Variants in OPCML observed in about 807,000 individuals in gnomAD.
OPCML encodes the protein opioid binding protein/cell adhesion molecule like.
A neutral mutation model predicts 37.8 loss-of-function variants in OPCML; 13 were observed. That is an observed-to-expected ratio of 0.34 (90% confidence interval 0.22 to 0.55). The LOEUF is 0.55. Ranked by LOEUF, OPCML falls within the 20% of genes least tolerant of loss-of-function variation. OPCML has a pLI of 0.91. For synonymous variants in OPCML, 176 were observed against 168.8 expected, an observed-to-expected ratio of 1.04 and a Z score of -0.33; for missense variants, 341 against 435.6, an observed-to-expected ratio of 0.78 and a Z score of 1.93.
At chr11:132,461,884 C>T (rs569551653) in intron 4 of OPCML, among the ~76,000 whole-genome samples, 9 of 152,216 alleles carry the variant, frequency 5.9e-5, no homozygotes, top group Admixed American at 4.6e-4. Context: ...CTCACTATCA[C>T]GAGAACAGCA....
chr11:132,503,383 T>C (rs2096249774), intron 4 of OPCML, among the ~76,000 whole-genome samples: 1 of 152,186 alleles, frequency 6.6e-6, no homozygotes, highest in African/African-American at 2.4e-5. Flanking sequence ...CTTCTACTGA[T>C]AGAAGGTATT....
At chr11:132,719,216 C>G (rs1944594747) in intron 2 of OPCML, among the ~76,000 whole-genome samples, 1 of 152,198 alleles carries the variant, frequency 6.6e-6, no homozygotes, top group Admixed American at 6.5e-5. Context: ...AGGTGGCCTT[C>G]CGCGTTTTCG....
intron 1 of OPCML, among the ~76,000 whole-genome samples, chr11:133,458,583 ACACATATATACACGTGTGTGTGTG>A (rs1565645578): frequency 3.7e-5 from 4 of 106,886 alleles, no homozygotes; most frequent in African/African-American, 1.7e-4. Flanking sequence ...ACGTGTGTGT[ACACATATATACACGTGTGTGTGTG>A]TATACACATA....
chr11:132,430,684 G>A (rs2095993747), intron 7 of OPCML, among the ~76,000 whole-genome samples: 1 of 152,120 alleles, frequency 6.6e-6, no homozygotes, highest in Admixed American at 6.5e-5. Context: ...AACTCTTAAT[G>A]TAACTGATTT....
chr11:133,354,615 G>C (rs532734811), intron 1 of OPCML, among the ~76,000 whole-genome samples: 6 of 152,136 alleles, frequency 3.9e-5, no homozygotes, highest in Non-Finnish European at 8.8e-5. Flanking sequence ...TTCGCATTTA[G>C]TAACTGGAAG....
chr11:132,803,821 G>C (rs1195106125), intron 2 of OPCML, among the ~76,000 whole-genome samples: 1 of 152,190 alleles, frequency 6.6e-6, no homozygotes, highest in Admixed American at 6.5e-5. Flanking sequence ...AATAGGGATA[G>C]TACCTAAATT....
chr11:133,109,588 G>A (rs2137089413), intron 1 of OPCML, among the ~76,000 whole-genome samples: 1 of 152,256 alleles, frequency 6.6e-6, no homozygotes, highest in East Asian at 1.9e-4. Flanking sequence ...ACTGATAGGT[G>A]CATTTTACAA....
At chr11:132,470,318 C>T (rs1476770784) in intron 4 of OPCML, among the ~76,000 whole-genome samples, 1 of 151,992 alleles carries the variant, frequency 6.6e-6, no homozygotes, top group East Asian at 1.9e-4. Flanking sequence ...GGGCTTCCTA[C>T]TAGATCAGCT....
chr11:132,859,379 T>A (rs1046646325), intron 2 of OPCML: 3 of 152,250 alleles, frequency 2.0e-5, no homozygotes, highest in Non-Finnish European at 4.4e-5. Context: ...AAAAAACATT[T>A]AACTTATTTC....
chr11:132,691,782 G>T, intron 2 of OPCML, among the ~76,000 whole-genome samples: 1 of 152,170 alleles, frequency 6.6e-6, no homozygotes, highest in East Asian at 1.9e-4. Flanking sequence ...CATCTACTCA[G>T]CATGAGAAGG....
chr11:133,201,072 T>C (rs542018958), intron 1 of OPCML, among the ~76,000 whole-genome samples: 43 of 152,218 alleles, frequency 2.8e-4, no homozygotes, highest in African/African-American at 1.0e-3. Flanking sequence ...AAGTAGGAGA[T>C]AAACATTGAG....
chr11:132,631,448 A>G (rs1462650829), intron 3 of OPCML, among the ~76,000 whole-genome samples: 2 of 149,026 alleles, frequency 1.3e-5, no homozygotes, highest in Non-Finnish European at 1.5e-5. Context: ...ATATACATAC[A>G]TATGTATATA....
chr11:132,824,325 A>G (rs1940169881), intron 2 of OPCML, among the ~76,000 whole-genome samples: 1 of 152,090 alleles, frequency 6.6e-6, no homozygotes, highest in South Asian at 2.1e-4. Flanking sequence ...CATCCAATTC[A>G]TTAGTTTTCT....
chr11:133,178,041 A>G (rs1489464279), intron 1 of OPCML, among the ~76,000 whole-genome samples: 1 of 152,172 alleles, frequency 6.6e-6, no homozygotes, highest in Non-Finnish European at 1.5e-5. Flanking sequence ...TGATCAGTCA[A>G]GTGGTATTCG....
intron 3 of OPCML, among the ~76,000 whole-genome samples, chr11:132,591,776 G>A (rs1304621856): frequency 2.0e-5 from 3 of 152,296 alleles, no homozygotes; most frequent in Middle Eastern, 6.8e-3. Flanking sequence ...GGAATAAAAG[G>A]AAACATCATC....
intron 2 of OPCML, among the ~76,000 whole-genome samples, chr11:132,770,939 C>T (rs1946616316): frequency 6.6e-6 from 1 of 152,178 alleles, no homozygotes; most frequent in African/African-American, 2.4e-5. Context: ...ATGGTCTGGC[C>T]TTGACCCTTA....
chr11:133,173,256 A>C lies in OPCML; in HGVS notation c.62-230246T>G, dbSNP rs1272531152. On this transcript the variant is annotated intron_variant, in intron 1 of 7. Transcript: ENST00000524381. The surrounding 1 kb of genome is among the most constrained non-coding windows in gnomAD (Gnocchi z 7.8). ...TCCACATAACTGTGAAGCATTTCTC[A>C]GAATGTTATCATTAACATTGTTACA... Among the ~76,000 whole-genome samples, 1 of 152,226 alleles carries C rather than the reference A, an allele frequency of 6.6e-6. No individual in the cohort carries two copies. The highest frequency in any genetic ancestry group is 2.4e-5 in the African/African-American group (1 of 41,460).
At chr11:132,487,116 C>A (rs1400562863) in intron 4 of OPCML, among the ~76,000 whole-genome samples, 1 of 152,170 alleles carries the variant, frequency 6.6e-6, no homozygotes, top group Non-Finnish European at 1.5e-5. Flanking sequence ...CACAGCTGGG[C>A]TCTCTCATCT....
intron 1 of OPCML, among the ~76,000 whole-genome samples, chr11:133,457,924 G>A (rs1946707157): frequency 6.6e-6 from 1 of 151,954 alleles, no homozygotes; most frequent in East Asian, 1.9e-4. Context: ...AGGCAGGTGG[G>A]TCATGAGGTC....
Sources: gnomAD v4.1 joint callset for allele counts (sites outside exome capture counted in the v4.1 genomes callset) on GRCh38, gnomAD v4.1.1 for gene constraint, Gnocchi (gnomAD v3.1) non-coding constraint, MANE v1.5 for transcripts, NCBI Gene and HGNC (gene_info 2026-07-23, HGNC 2026-07-21) for gene names.